CUBN: variants seen among roughly 807,000 people sequenced by gnomAD.
The protein encoded by CUBN is cubilin.
Under a neutral mutation model 405.3 loss-of-function variants are expected in CUBN, and 282 were observed. The observed-to-expected ratio is 0.70, with a 90% CI of 0.63 to 0.77. CUBN has a LOEUF of 0.77. CUBN is among the 30% of genes least tolerant of loss of function. CUBN has a pLI of 0.00. For missense variants in CUBN, 4,514 were observed against 4,475.2 expected (o/e 1.01, Z -0.25); for synonymous variants, 1,684 against 1,617.0 (o/e 1.04, Z -0.99).
chr10:16,928,224 G>A lies in CUBN; in HGVS notation c.6204C>T (p.Tyr2068=), dbSNP rs765878004. ...AGTCCGAGGTGAAGCGGATGAACAT[G>A]TACTCTCCAGTAGACCGGATGGGCC... ...IPGPIRSTGE[Y]MFIRFTSDSS... Residue 2068 remains tyrosine, a synonymous_variant, in exon 41 of 67, where the codon TAC becomes TAT. Coordinates refer to ENST00000377833, the MANE Select transcript of CUBN (RefSeq NM_001081.4). 6.2e-7 allele frequency: 1 copy of A among 1,613,992 alleles called. No homozygotes were observed. Among genetic ancestry groups the A allele is most frequent in the Admixed American group, 1.7e-5 (1 of 60,006 alleles).
At chr10:16,990,216 A>T in intron 29 of CUBN, 118 bp downstream of exon 29, 2 of 999,328 alleles carry the variant, frequency 2.0e-6, no homozygotes, top group Non-Finnish European at 3.2e-6. Context: ...GATGCTCATT[A>T]AAATGTCTAA....
At position 16,885,584 on chromosome 10, in the gene CUBN, T is replaced by A. The variant is rs575514703; in HGVS notation, c.8905+2833A>T. 2.0e-5 allele frequency among the ~76,000 whole-genome samples: 3 copies of A among 152,280 alleles called. No homozygotes were observed. The East Asian group carries it at 5.8e-4, about 29-fold the overall frequency. On this transcript the variant is annotated intron_variant, in intron 56 of 66. Transcript: ENST00000377833. ...ACCTGGCATTAAGATCCATCCTAAA[T>A]GCTGTGCTCACTTTCCCTGTACTAT...
intron 59 of CUBN, among the ~76,000 whole-genome samples, chr10:16,862,478 G>A (rs1050623082): frequency 1.3e-5 from 2 of 152,150 alleles, no homozygotes; most frequent in African/African-American, 4.8e-5. Flanking sequence ...GACAAGCAGT[G>A]ATTTTCACGA....
At chr10:17,002,718 A>G (rs552841191) in intron 28 of CUBN, among the ~76,000 whole-genome samples, 154 of 152,346 alleles carry the variant, frequency 1.0e-3, no homozygotes, top group Non-Finnish European at 1.9e-3. Context: ...GCTGCCTCTG[A>G]TCATTGGGAC....
At chr10:16,970,076 T>C (rs1018783122) in intron 31 of CUBN, among the ~76,000 whole-genome samples, 2 of 152,064 alleles carry the variant, frequency 1.3e-5, no homozygotes, top group African/African-American at 4.8e-5. Context: ...CCCCAAGCCA[T>C]GAAGAGGGTG....
At chr10:16,980,435 C>G (rs1048979196) in intron 31 of CUBN, among the ~76,000 whole-genome samples, 14 of 152,154 alleles carry the variant, frequency 9.2e-5, no homozygotes, top group Non-Finnish European at 2.1e-4. Context: ...AGACTTGGAA[C>G]CAACCCAAAT....
chr10:16,981,807 C>T (rs1512704), intron 31 of CUBN, among the ~76,000 whole-genome samples: 111,354 of 151,880 alleles, frequency 0.73, 43,664 homozygotes, highest in Non-Finnish European at 0.89. Context: ...TCAAGGAAAC[C>T]CTCCCATCTC....
intron 28 of CUBN, among the ~76,000 whole-genome samples, chr10:17,005,750 G>C (rs935894364): frequency 1.3e-5 from 2 of 152,116 alleles, no homozygotes; most frequent in Admixed American, 6.6e-5. Context: ...ACTCCCCAAA[G>C]TCAAGAATGT....
chr10:16,828,645 G>C (rs1838868697), intron 66 of CUBN, among the ~76,000 whole-genome samples, 160 bp downstream of exon 66: 1 of 152,018 alleles, frequency 6.6e-6, no homozygotes, highest in African/African-American at 2.4e-5. Flanking sequence ...TTGAACCCAG[G>C]AGGCGGAGGT....
At chr10:17,038,348 C>G (rs1834942830) in intron 27 of CUBN, among the ~76,000 whole-genome samples, 1 of 152,184 alleles carries the variant, frequency 6.6e-6, no homozygotes, top group Non-Finnish European at 1.5e-5. Flanking sequence ...GTTGATTCCC[C>G]ATGTTTGCAC....
At chr10:16,954,356 T>C in intron 32 of CUBN, 33 bp downstream of exon 32, 2 of 1,613,582 alleles carry the variant, frequency 1.2e-6, no homozygotes, top group South Asian at 2.2e-5. Context: ...TGAAGATTTC[T>C]CTTGTGCCTG....
intron 59 of CUBN, among the ~76,000 whole-genome samples, chr10:16,852,744 T>C (rs187364456): frequency 1.3e-5 from 2 of 152,306 alleles, no homozygotes; most frequent in Non-Finnish European, 2.9e-5. Flanking sequence ...AAAATGTGCA[T>C]ATGTTTTACT....
intron 17 of CUBN, among the ~76,000 whole-genome samples, chr10:17,073,987 A>G (rs1835796463): frequency 1.3e-5 from 2 of 152,242 alleles, no homozygotes; most frequent in African/African-American, 4.8e-5. Flanking sequence ...TTTGGAGGTG[A>G]AACACTGGAG....
chr10:17,069,441 C>G (rs1475717440), intron 19 of CUBN, among the ~76,000 whole-genome samples: 3 of 151,830 alleles, frequency 2.0e-5, no homozygotes, highest in Admixed American at 2.0e-4. Flanking sequence ...CAGTTTACAT[C>G]TCCACCAGGA....
chr10:17,088,035 T>C, intron 15 of CUBN, 129 bp downstream of exon 15: 2 of 704,740 alleles, frequency 2.8e-6, no homozygotes, highest in East Asian at 5.4e-5. Flanking sequence ...GAGTTAGATA[T>C]TGACTGACTA....
At position 16,840,397 on chromosome 10, in the gene CUBN, A is replaced by G; in HGVS notation, c.9965T>C (p.Val3322Ala). 1.2e-6 allele frequency: 2 copies of G among 1,614,110 alleles called. No homozygotes were observed. The highest frequency in any genetic ancestry group is 1.7e-6 in the Non-Finnish European group (2 of 1,180,006). ...TTGCGAGGTCAGCTGTAATGCCCAC[A>G]CAGTTATCTTGACCTGCTGATGCGG... is the stretch of plus-strand genomic sequence containing the variant. ...SPPHQQVKIT[V>A]WALQLTSQDC... The change falls in exon 62 of 67, where the codon GTG (valine) becomes GCG (alanine). Residue 3322 changes from valine (V) to alanine (A), a missense_variant. Coordinates refer to ENST00000377833, the MANE Select transcript of CUBN (RefSeq NM_001081.4).
rs1381859206 is a variant in CUBN, at chr10:16,918,675, A to C, written c.6947T>G (p.Phe2316Cys). The C allele has an allele frequency of 6.2e-7, 1 of 1,613,954 alleles. No individual in the cohort carries two copies. ...WSSGEVMYLR[F>C]RSDNSPTHVG... is the part of the protein sequence containing the mutation. ...ATGTGTGGGGCTGTTGTCAGATCGA[A>C]ATCTCAAATACATAACCTCTCCTGA... The change falls in exon 45 of 67, where the codon TTT becomes TGT. Residue 2316 changes from phenylalanine to cysteine, a missense_variant. Transcript: ENST00000377833.
At chr10:16,894,412 A>AT (rs1193283985) in intron 54 of CUBN, among the ~76,000 whole-genome samples, 2 of 151,894 alleles carry the variant, frequency 1.3e-5, no homozygotes, top group African/African-American at 2.4e-5. Context: ...TGAGATTCAT[A>AT]TTTTTTGCCT....
intron 58 of CUBN, among the ~76,000 whole-genome samples, chr10:16,872,345 C>CATAT (rs1840380771): frequency 1.1e-5 from 1 of 94,968 alleles, no homozygotes; most frequent in Admixed American, 9.2e-5. Flanking sequence ...AGATTGTATA[C>CATAT]ATACATATAT....
Sources: allele counts gnomAD v4.1 joint callset (sites outside exome capture counted in the v4.1 genomes callset), GRCh38; gene constraint gnomAD v4.1.1; transcripts MANE v1.5; gene names NCBI Gene and HGNC (gene_info 2026-07-23, HGNC 2026-07-21).